CLSTN2: variants seen among roughly 807,000 people sequenced by gnomAD.
CLSTN2 encodes the protein calsyntenin 2.
CLSTN2 carries 48 observed loss-of-function variants against 101.2 expected under a neutral mutation model. That is an observed-to-expected ratio of 0.47 (90% CI 0.38 to 0.60). The LOEUF (loss-of-function observed/expected upper bound fraction) is 0.60. Ranked by LOEUF, CLSTN2 falls within the 20% of genes least tolerant of loss-of-function variation. CLSTN2 has a pLI of 0.00. For synonymous variants in CLSTN2, 481 were observed against 463.6 expected (o/e 1.04, Z -0.48); for missense variants, 1,160 against 1,238.2 (o/e 0.94, Z 0.95).
intron 2 of CLSTN2, among the ~76,000 whole-genome samples, chr3:140,226,924 G>A (rs150230644): frequency 0.024 from 3,693 of 152,110 alleles, 53 homozygotes; most frequent in Middle Eastern, 0.058. Context: ...GGAAAGACCC[G>A]CCCCCATAAT....
chr3:140,183,365 A>AC (rs2010437442), intron 2 of CLSTN2, among the ~76,000 whole-genome samples: 9 of 152,154 alleles, frequency 5.9e-5, no homozygotes, highest in Admixed American at 5.9e-4. Context: ...GTCCTCGTAA[A>AC]CCAGAGTGAG....
chr3:140,196,070 G>A (rs1221273904), intron 2 of CLSTN2, among the ~76,000 whole-genome samples: 1 of 152,198 alleles, frequency 6.6e-6, no homozygotes, highest in Non-Finnish European at 1.5e-5. Flanking sequence ...CTGATGGTTA[G>A]TCCTAGGCGG....
At chr3:140,371,681 G>A (rs1446341388) in intron 2 of CLSTN2, among the ~76,000 whole-genome samples, 2 of 152,346 alleles carry the variant, frequency 1.3e-5, no homozygotes, top group Middle Eastern at 6.8e-3. Flanking sequence ...GAGACTGCAA[G>A]TCAGGGAGAT....
chr3:140,533,650 G>C (rs146238147), intron 9 of CLSTN2, among the ~76,000 whole-genome samples: 2,314 of 148,806 alleles, frequency 0.016, 62 homozygotes, highest in African/African-American at 0.055. Context: ...GGTGGAGCTC[G>C]CAGTGAGCCG....
intron 5 of CLSTN2, among the ~76,000 whole-genome samples, chr3:140,441,368 A>G (rs2088762750): frequency 6.6e-6 from 1 of 152,212 alleles, no homozygotes; most frequent in Non-Finnish European, 1.5e-5. Context: ...GTGACAAGGA[A>G]CCAAAATTTG....
intron 1 of CLSTN2, among the ~76,000 whole-genome samples, chr3:140,154,557 A>G (rs1425322917): frequency 6.6e-6 from 1 of 152,014 alleles, no homozygotes; most frequent in African/African-American, 2.4e-5. Context: ...GGCCTCCGGA[A>G]ACTTACCATC....
chr3:140,011,995 G>T (rs1304328038), intron 1 of CLSTN2, among the ~76,000 whole-genome samples: 1 of 152,120 alleles, frequency 6.6e-6, no homozygotes, highest in Non-Finnish European at 1.5e-5. Context: ...GATTCTAATT[G>T]TGCTGGAGGT....
intron 1 of CLSTN2, among the ~76,000 whole-genome samples, chr3:140,027,892 T>G (rs1481785207): frequency 6.6e-6 from 1 of 152,298 alleles, no homozygotes; most frequent in Non-Finnish European, 1.5e-5. Context: ...CATACCTGAT[T>G]GGGGATACTG....
intron 2 of CLSTN2, among the ~76,000 whole-genome samples, chr3:140,259,167 ATTG>A (rs914525819): frequency 1.0e-3 from 4 of 3,870 alleles, no homozygotes; most frequent in South Asian, 0.022. Flanking sequence ...AGAATAATTG[ATTG>A]AAAAAAAAAA....
chr3:139,962,354 G>C (rs1413758896), intron 1 of CLSTN2, among the ~76,000 whole-genome samples: 2 of 152,036 alleles, frequency 1.3e-5, no homozygotes, highest in East Asian at 3.9e-4. Context: ...TACCCATCAA[G>C]ACATCATCAC....
intron 1 of CLSTN2, among the ~76,000 whole-genome samples, chr3:139,950,142 C>T (rs1935272249): frequency 6.6e-6 from 1 of 152,182 alleles, no homozygotes; most frequent in Non-Finnish European, 1.5e-5. Context: ...ACGGGAGTCT[C>T]TCTGAAGACA....
chr3:139,964,524 A>G (rs1935562106), intron 1 of CLSTN2, among the ~76,000 whole-genome samples: 1 of 152,102 alleles, frequency 6.6e-6, no homozygotes, highest in Admixed American at 6.5e-5. Context: ...AAGGGGGAAG[A>G]GGGCCTTAGT....
chr3:140,186,919 A>G (rs916992699), intron 2 of CLSTN2, among the ~76,000 whole-genome samples: 1 of 152,172 alleles, frequency 6.6e-6, no homozygotes, highest in Non-Finnish European at 1.5e-5. Flanking sequence ...CAAGGAGTTA[A>G]AAAAACAAAA....
chr3:140,112,116 C>A (rs553219387), intron 1 of CLSTN2, among the ~76,000 whole-genome samples: 31 of 152,284 alleles, frequency 2.0e-4, no homozygotes, highest in South Asian at 6.2e-4. Context: ...CTGTTGAAAC[C>A]AAAATTTTCT....
At chr3:140,536,450 A>T (rs1935360760) in intron 9 of CLSTN2, among the ~76,000 whole-genome samples, 1 of 152,156 alleles carries the variant, frequency 6.6e-6, no homozygotes, top group Non-Finnish European at 1.5e-5. Flanking sequence ...TGGCTTTCCC[A>T]TAGCTCCTTG....
chr3:139,945,030 T>C (rs542272144), intron 1 of CLSTN2, among the ~76,000 whole-genome samples: 7 of 152,284 alleles, frequency 4.6e-5, no homozygotes, highest in Middle Eastern at 3.4e-3. Context: ...TTTGACTTAT[T>C]TCTATGGAAT....
intron 2 of CLSTN2, among the ~76,000 whole-genome samples, chr3:140,330,688 T>A (rs2087374761): frequency 6.6e-6 from 1 of 152,188 alleles, no homozygotes. Flanking sequence ...GAAGGAGAAG[T>A]GAACTTTGGA....
At chr3:140,529,898 T>C (rs183482546) in intron 8 of CLSTN2, among the ~76,000 whole-genome samples, 7 of 152,348 alleles carry the variant, frequency 4.6e-5, no homozygotes, top group African/African-American at 1.7e-4. Flanking sequence ...CCTTTTATAG[T>C]AACAGGATTT....
chr3:140,021,488 C>T (rs767819672), intron 1 of CLSTN2, among the ~76,000 whole-genome samples: 9 of 152,110 alleles, frequency 5.9e-5, no homozygotes, highest in Non-Finnish European at 1.2e-4. Context: ...CAAGCCCTGT[C>T]CTGTTAGAAA....
Sources: allele counts gnomAD v4.1 joint callset (sites outside exome capture counted in the v4.1 genomes callset), GRCh38; gene constraint gnomAD v4.1.1; transcripts MANE v1.5; gene names NCBI Gene and HGNC (gene_info 2026-07-23, HGNC 2026-07-21).